The following KIN variants were observed in gnomAD, a reference collection of about 807,000 sequenced individuals.
KIN encodes the protein DNA/RNA-binding protein KIN17.
KIN carries 47 observed loss-of-function variants against 63.0 expected under a neutral mutation model. The observed-to-expected ratio is 0.75, with a 90% CI of 0.59 to 0.95. The LOEUF (loss-of-function observed/expected upper bound fraction) is 0.95, where lower values mean the gene tolerates loss of function less well. Ranked by LOEUF, KIN falls within the 40% of genes least tolerant of loss-of-function variation. KIN has a pLI of 0.00. For missense variants in KIN, 408 were observed against 460.9 expected, an observed-to-expected ratio of 0.89 and a Z score of 1.05; for synonymous variants, 160 against 157.7, an observed-to-expected ratio of 1.01 and a Z score of -0.11.
At chr10:7,763,115 G>A (rs1835469339) in intron 10 of KIN, among the ~76,000 whole-genome samples, 1 of 152,088 alleles carries the variant, frequency 6.6e-6, no homozygotes, top group Non-Finnish European at 1.5e-5. Context: ...AGTTAGCCAG[G>A]TGCGGTGGTG....
chr10:7,756,392 G>A (rs1174524835), intron 12 of KIN, among the ~76,000 whole-genome samples: 2 of 152,166 alleles, frequency 1.3e-5, no homozygotes, highest in African/African-American at 2.4e-5. Flanking sequence ...CCTGCAAGCT[G>A]TTCAGTATCT....
chr10:7,760,384 T>C (rs1298822631), intron 11 of KIN, among the ~76,000 whole-genome samples: 1 of 152,048 alleles, frequency 6.6e-6, no homozygotes, highest in Non-Finnish European at 1.5e-5. Context: ...ACCTAACATG[T>C]GACTGAGCCA....
Position 7,780,183 on chromosome 10 carries a change from G to A in KIN, c.254-5C>T, listed in dbSNP as rs1835868566. On this transcript the variant is annotated splice_polypyrimidine_tract_variant and splice_region_variant and intron_variant, in intron 3 of 12. Coordinates refer to ENST00000379562, the MANE Select transcript of KIN (RefSeq NM_012311.4). ...TGTTGTGGACCCTTTTAGTGCCTGA[G>A]AACAAAATATGACACTGATGATCAT... 1.2e-6 allele frequency: 2 copies of A among 1,612,266 alleles called. No individual in the cohort carries two copies. The highest frequency in any genetic ancestry group is 1.7e-6 in the Non-Finnish European group (2 of 1,179,192).
chr10:7,758,532 G>T (rs746470713), intron 12 of KIN, among the ~76,000 whole-genome samples: 1 of 152,132 alleles, frequency 6.6e-6, no homozygotes. Flanking sequence ...CACAACCTGC[G>T]AACCAAAGGT....
At chr10:7,770,624 T>G (rs1835648513) in intron 7 of KIN, among the ~76,000 whole-genome samples, 1 of 152,200 alleles carries the variant, frequency 6.6e-6, no homozygotes, top group Non-Finnish European at 1.5e-5. Context: ...GTAACTATCT[T>G]GTAACTCACA....
At chr10:7,776,459 C>T (rs946472022) in intron 5 of KIN, among the ~76,000 whole-genome samples, 1 of 149,516 alleles carries the variant, frequency 6.7e-6, no homozygotes, top group African/African-American at 2.5e-5. Flanking sequence ...GGAGAATCGT[C>T]TGAATCCAGG....
intron 5 of KIN, among the ~76,000 whole-genome samples, chr10:7,778,128 C>T (rs1835818232): frequency 6.6e-6 from 1 of 152,110 alleles, no homozygotes; most frequent in African/African-American, 2.4e-5. Flanking sequence ...GGGTTGTATC[C>T]ACCCTCAAAT....
chr10:7,763,187 C>T (rs1265130435), intron 10 of KIN, among the ~76,000 whole-genome samples: 4 of 152,150 alleles, frequency 2.6e-5, no homozygotes, highest in African/African-American at 7.2e-5. Flanking sequence ...ACCTGGGAGG[C>T]GATGGTTGCA....
At position 7,755,995 on chromosome 10, in the gene KIN, C is replaced by T. The variant is rs1256429380; in HGVS notation, c.*85G>A. The T allele has an allele frequency of 5.3e-6, 4 of 750,556 alleles. No individual in the cohort carries two copies. In the South Asian group the frequency reaches 5.7e-5, roughly 11 times the overall value. The allele number at this position is 750,556 out of a possible 1,614,324, so 46.5% of individuals were successfully genotyped here. The stretch of plus-strand genomic sequence containing the variant: ...TTTGTTTTATACAAAAGAATATACC[C>T]TAACACAGTAGAGTCTCATAATGCC... On this transcript the variant is annotated 3_prime_UTR_variant, in exon 13 of 13. Transcript: ENST00000379562.
chr10:7,758,061 A>G (rs1230583762), intron 12 of KIN, among the ~76,000 whole-genome samples: 1 of 150,168 alleles, frequency 6.7e-6, no homozygotes, highest in African/African-American at 2.4e-5. Context: ...AGAAAAAAAA[A>G]TTAGGAGACA....
chr10:7,773,203 G>A (rs894911225), intron 7 of KIN, among the ~76,000 whole-genome samples: 2 of 152,208 alleles, frequency 1.3e-5, no homozygotes, highest in South Asian at 2.1e-4. Flanking sequence ...CAGCCAGCAG[G>A]CTCCTTGATT....
intron 10 of KIN, among the ~76,000 whole-genome samples, 166 bp downstream of exon 10, chr10:7,763,557 T>C (rs552439658): frequency 1.4e-3 from 214 of 152,212 alleles, no homozygotes; most frequent in African/African-American, 5.0e-3. Flanking sequence ...GAAAAAGAAA[T>C]ATTTCTCCAA....
intron 6 of KIN, among the ~76,000 whole-genome samples, chr10:7,775,449 G>A (rs1835750797): frequency 1.3e-5 from 2 of 152,166 alleles, no homozygotes; most frequent in Admixed American, 6.5e-5. Flanking sequence ...TGTGACGGCT[G>A]GAGTGTTGGC....
At position 7,756,870 on chromosome 10, in the gene KIN, G is replaced by T. The variant is rs552126804; in HGVS notation, c.1120-728C>A. Among the ~76,000 whole-genome samples the T allele has an allele frequency of 2.0e-5, 3 of 151,894 alleles. No homozygotes were observed. The East Asian group carries it at 5.8e-4, about 29-fold the overall frequency. On this transcript the variant is annotated intron_variant, in intron 12 of 12. Coordinates refer to ENST00000379562, the MANE Select transcript of KIN (RefSeq NM_012311.4). ...TAACTTTATTTTCTTCTTTCATATC[G>T]AACAAAAAGGGAAAGAGGAAAACTT... is the stretch of plus-strand genomic sequence containing the variant.
intron 12 of KIN, 183 bp downstream of exon 12, chr10:7,759,706 AT>A: frequency 2.5e-6 from 1 of 400,520 alleles, no homozygotes; most frequent in Non-Finnish European, 4.4e-6. Context: ...TTCTTTTATA[AT>A]CAGAAAATAA....
At chr10:7,772,679 C>T (rs1835690432) in intron 7 of KIN, among the ~76,000 whole-genome samples, 3 of 152,056 alleles carry the variant, frequency 2.0e-5, no homozygotes, top group African/African-American at 4.8e-5. Context: ...ATTGTATTAC[C>T]CATGACACTA....
At chr10:7,763,084 C>T (rs1187429784) in intron 10 of KIN, among the ~76,000 whole-genome samples, 3 of 151,784 alleles carry the variant, frequency 2.0e-5, no homozygotes, top group African/African-American at 4.8e-5. Context: ...GGTGAAACCC[C>T]GTTTCTACTA....
At chr10:7,787,728 C>CCAGCCCCGCGCCCT in intron 1 of KIN, 92 bp downstream of exon 1, 3 of 997,638 alleles carry the variant, frequency 3.0e-6, no homozygotes, top group Non-Finnish European at 4.8e-6. Context: ...CCCGGGAGCC[C>CCAGCCCCGCGCCCT]CAGCCCCGCG....
rs938541960 is a variant in KIN, at chr10:7,755,267, C to G, written c.*813G>C. ...AAATGTTTATCAGCTGATGAATGGA[C>G]AAACAAAATACGGTACATCCATACA... is the stretch of plus-strand genomic sequence containing the variant. On this transcript the variant is annotated 3_prime_UTR_variant, in exon 13 of 13. Coordinates refer to ENST00000379562, the MANE Select transcript of KIN (RefSeq NM_012311.4). 1 of 152,106 alleles carries G rather than the reference C, an allele frequency of 6.6e-6. No individual in the cohort carries two copies. The highest frequency in any genetic ancestry group is 1.5e-5 in the Non-Finnish European group (1 of 68,010). The allele number at this position is 152,106 out of a possible 1,614,324, so 9.4% of individuals were successfully genotyped here. A position where few individuals can be genotyped will look rare whatever the true frequency, so the allele number is the denominator to read the frequency against.
Sources: allele counts gnomAD v4.1 joint callset (sites outside exome capture counted in the v4.1 genomes callset), GRCh38; gene constraint gnomAD v4.1.1; transcripts MANE v1.5; gene names NCBI Gene and HGNC (gene_info 2026-07-23, HGNC 2026-07-21).